The following SLC25A37 variants were observed in gnomAD, a reference collection of about 807,000 sequenced individuals.
SLC25A37 encodes the protein mitoferrin-1.
A neutral mutation model predicts 31.0 loss-of-function variants in SLC25A37; 17 were observed. The observed-to-expected ratio is 0.55, with a 90% CI of 0.38 to 0.82. The LOEUF (loss-of-function observed/expected upper bound fraction) is 0.82, where lower values mean the gene tolerates loss of function less well. Among genes scored for constraint, SLC25A37 ranks in the 40% least tolerant of loss-of-function variants. The pLI is 0.00. For synonymous variants in SLC25A37, 222 were observed against 193.0 expected, an observed-to-expected ratio of 1.15 and a Z score of -1.24; for missense variants, 404 against 465.8, an observed-to-expected ratio of 0.87 and a Z score of 1.22.
chr8:23,562,321 G>A lies in SLC25A37; in HGVS notation c.211-3787G>A, dbSNP rs149437884. ...CCAGGCTTGAGAAATGCGGTGACAC[G>A]TGAACTTTGCATTGATGTGAAAAGG... On this transcript the variant is annotated intron_variant, in intron 1 of 3. Coordinates refer to ENST00000519973, the MANE Select transcript of SLC25A37 (RefSeq NM_016612.4). Among the ~76,000 whole-genome samples, 150 of 152,344 alleles carry A rather than the reference G, an allele frequency of 9.8e-4. 1 individual carries two copies. Among genetic ancestry groups the A allele is most frequent in the African/African-American group, 3.0e-3 (125 of 41,590 alleles).
intron 1 of SLC25A37, among the ~76,000 whole-genome samples, chr8:23,540,612 T>C (rs1801869633): frequency 6.6e-6 from 1 of 152,248 alleles, no homozygotes; most frequent in South Asian, 2.1e-4. Flanking sequence ...TTGCAGTTGC[T>C]GTGACACCTT....
intron 1 of SLC25A37, among the ~76,000 whole-genome samples, chr8:23,547,352 C>T (rs770110375): frequency 6.6e-6 from 1 of 152,166 alleles, no homozygotes; most frequent in Non-Finnish European, 1.5e-5. Flanking sequence ...TCTGTAGATA[C>T]ACACATATAA....
intron 1 of SLC25A37, chr8:23,541,528 G>A (rs941285151): frequency 2.6e-5 from 4 of 152,282 alleles, no homozygotes; most frequent in Admixed American, 1.3e-4. Flanking sequence ...GGGTCCCCAC[G>A]GTGCCCATCT....
chr8:23,549,023 T>G (rs565354307), intron 1 of SLC25A37, among the ~76,000 whole-genome samples: 1 of 152,300 alleles, frequency 6.6e-6, no homozygotes, highest in South Asian at 2.1e-4. Flanking sequence ...CCCCCTGCAT[T>G]TGCCCTCATT....
At chr8:23,560,417 C>T (rs535261850) in intron 1 of SLC25A37, among the ~76,000 whole-genome samples, 5 of 152,354 alleles carry the variant, frequency 3.3e-5, no homozygotes, top group Admixed American at 2.0e-4. Context: ...TTGCCTCTTC[C>T]TTACACTCCT....
chr8:23,557,993 T>G (rs557987868), intron 1 of SLC25A37, among the ~76,000 whole-genome samples: 236 of 152,330 alleles, frequency 1.5e-3, no homozygotes, highest in Non-Finnish European at 2.9e-3. Flanking sequence ...GGAGTTGTGC[T>G]GCTCATGGTA....
At position 23,571,678 on chromosome 8, in the gene SLC25A37, G is replaced by T. The variant is rs1487443977; in HGVS notation, c.840G>T (p.Ser280=). 1.3e-5 allele frequency: 21 copies of T among 1,613,840 alleles called. No homozygotes were observed. The highest frequency in any genetic ancestry group is 2.7e-5 in the African/African-American group (2 of 74,914). ...TGGCCAACATCAGCGGCCGGCTGTCGGGTATGGCCAATGCCTTCCGGACGG... is the reference window on the plus strand; with the variant it reads ...TGGCCAACATCAGCGGCCGGCTGTCTGGTATGGCCAATGCCTTCCGGACGG... ...LSLANISGRL[S]GMANAFRTVY... The change falls in exon 4 of 4, where the codon TCG becomes TCT. Residue 280 remains serine, a synonymous_variant. Transcript: ENST00000519973.
At chr8:23,542,098 G>A (rs112385076) in intron 1 of SLC25A37, among the ~76,000 whole-genome samples, 1 of 152,124 alleles carries the variant, frequency 6.6e-6, no homozygotes, top group Non-Finnish European at 1.5e-5. Context: ...ACCACATAAC[G>A]ATGTTTCGGT....
intron 1 of SLC25A37, among the ~76,000 whole-genome samples, chr8:23,553,869 T>C (rs1372955375): frequency 6.6e-6 from 1 of 152,144 alleles, no homozygotes; most frequent in Non-Finnish European, 1.5e-5. Context: ...GACACAGTCC[T>C]CAGGGGTTTT....
chr8:23,557,976 C>A (rs112459339), intron 1 of SLC25A37, among the ~76,000 whole-genome samples: 1 of 152,122 alleles, frequency 6.6e-6, no homozygotes, highest in African/African-American at 2.4e-5. Flanking sequence ...CAGCCCTGGG[C>A]CCCCCTGGAG....
intron 3 of SLC25A37, among the ~76,000 whole-genome samples, chr8:23,570,714 A>T (rs543373160): frequency 1.3e-5 from 2 of 152,326 alleles, no homozygotes; most frequent in Non-Finnish European, 2.9e-5. Context: ...ATTTGGCAAT[A>T]CATGAGGCCA....
chr8:23,540,486 G>T (rs1397339720), intron 1 of SLC25A37, among the ~76,000 whole-genome samples: 1 of 152,186 alleles, frequency 6.6e-6, no homozygotes, highest in Non-Finnish European at 1.5e-5. Context: ...GGGCTCTAAC[G>T]TATAGTTAGG....
rs148170830 is a variant in SLC25A37, at chr8:23,569,213, G to A, written c.496+835G>A. On this transcript the variant is annotated intron_variant, in intron 3 of 3. Transcript: ENST00000519973. ...TGGGAGGTTGAGGCTGCAGTGAGTC[G>A]TGATTGCACCACTGCACTCAGCCAG... Among the ~76,000 whole-genome samples, 32 of 152,254 alleles carry A rather than the reference G, an allele frequency of 2.1e-4. No individual in the cohort carries two copies. The East Asian group carries it at 3.1e-3, about 15-fold the overall frequency.
intron 1 of SLC25A37, among the ~76,000 whole-genome samples, chr8:23,556,442 G>T (rs1424824032): frequency 6.6e-6 from 1 of 151,866 alleles, no homozygotes; most frequent in African/African-American, 2.4e-5. Context: ...TCCAGACTGG[G>T]CTTGAATTCC....
chr8:23,559,875 A>G (rs188820140), intron 1 of SLC25A37, among the ~76,000 whole-genome samples: 1 of 152,258 alleles, frequency 6.6e-6, no homozygotes, highest in African/African-American at 2.4e-5. Context: ...GTATGGATAT[A>G]TTACATCGTG....
intron 3 of SLC25A37, 119 bp from the exon 4 acceptor site, chr8:23,571,216 G>A: frequency 8.1e-7 from 1 of 1,228,740 alleles, no homozygotes; most frequent in Non-Finnish European, 1.1e-6. Context: ...GCCTGTTTCC[G>A]GTGTCTAACT....
intron 1 of SLC25A37, among the ~76,000 whole-genome samples, chr8:23,552,469 G>A (rs1185351023): frequency 2.6e-5 from 4 of 152,184 alleles, no homozygotes; most frequent in South Asian, 2.1e-4. Context: ...TGTGGCTGGC[G>A]TGGGGTAGAA....
At chr8:23,563,764 G>A (rs1802576687) in intron 1 of SLC25A37, among the ~76,000 whole-genome samples, 3 of 152,136 alleles carry the variant, frequency 2.0e-5, no homozygotes, top group Non-Finnish European at 2.9e-5. Context: ...AGTGGATCTC[G>A]AGGTCACGAG....
chr8:23,547,970 G>T (rs530909626), intron 1 of SLC25A37, among the ~76,000 whole-genome samples: 15 of 152,256 alleles, frequency 9.9e-5, no homozygotes, highest in African/African-American at 3.4e-4. Context: ...AGTCATCCAG[G>T]GGTCAGCCGG....
Sources: gnomAD v4.1 joint callset for allele counts (sites outside exome capture counted in the v4.1 genomes callset) on GRCh38, gnomAD v4.1.1 for gene constraint, MANE v1.5 for transcripts, NCBI Gene and HGNC (gene_info 2026-07-23, HGNC 2026-07-21) for gene names.